The following CEP72 variants were observed in gnomAD, a reference collection of about 807,000 sequenced individuals.
CEP72 encodes centrosomal protein of 72 kDa.
In CEP72, 78 loss-of-function variants were observed where a neutral mutation model predicts 65.7. The observed-to-expected ratio is 1.19, with a 90% CI of 0.99 to 1.43. The LOEUF is 1.43. Among genes scored for constraint, CEP72 ranks in the 40% most tolerant of loss-of-function variants. CEP72 has a pLI of 0.00. For missense variants in CEP72, 914 were observed against 832.9 expected (o/e 1.10, Z -1.20); for synonymous variants, 358 against 351.7 (o/e 1.02, Z -0.20).
rs1709548 is a variant in CEP72 at position 645,184 on chromosome 5, A to G, written c.1666+759A>G. ...CGTTTCAGGGCGTGTGGGTCTCACGATGTCTGTCCCAACCAGCGGTGGCCT... is the reference window on the plus strand; with the variant it reads ...CGTTTCAGGGCGTGTGGGTCTCACGGTGTCTGTCCCAACCAGCGGTGGCCT... On this transcript the variant is annotated intron_variant, in intron 10 of 11. Coordinates refer to ENST00000264935, the MANE Select transcript of CEP72 (RefSeq NM_018140.4). This position sits in a 1 kb window ranked among gnomAD's most constrained non-coding sequence, Gnocchi z 4.0. 0.39 allele frequency among the ~76,000 whole-genome samples: 58,906 copies of G among 151,668 alleles called. 11,590 individuals carry two copies. Among genetic ancestry groups the G allele is most frequent in the East Asian group, 0.45 (2,303 of 5,124 alleles).
chr5:642,401 G>C (rs1466360156), intron 9 of CEP72: 1 of 985,386 alleles, frequency 1.0e-6, no homozygotes, highest in Admixed American at 6.1e-5. Flanking sequence ...CCGTCTGGAA[G>C]CCTTTATACT....
downstream of CEP72, among the ~76,000 whole-genome samples, chr5:653,824 A>G (rs994576378): frequency 6.6e-6 from 1 of 152,216 alleles, no homozygotes; most frequent in Non-Finnish European, 1.5e-5. Context: ...ACAAAACTAG[A>G]TTTTTAGTTT....
chr5:621,840 C>G (rs907551875), intron 3 of CEP72, among the ~76,000 whole-genome samples: 2 of 152,236 alleles, frequency 1.3e-5, no homozygotes, highest in Admixed American at 6.5e-5. Context: ...GTGGCGTGAT[C>G]TTAGCTCACT....
downstream of CEP72, chr5:661,371 CCT>C (rs1392630141): frequency 6.6e-6 from 1 of 152,106 alleles, no homozygotes; most frequent in Middle Eastern, 3.4e-3. Context: ...AGAACCTGTC[CCT>C]GTGTCCTCGT....
rs572183688 is a variant in CEP72 at position 612,613 on chromosome 5, AC to A, written c.82+176del. Reference sequence around the variant, plus strand: ...GCGCGCGTGTCCAGGTGAGCGACCCACCCCCCGTGCCCAGGTGCGGCCCCTG... The same window carrying A: ...GCGCGCGTGTCCAGGTGAGCGACCCACCCCCGTGCCCAGGTGCGGCCCCTG... On this transcript the variant is annotated intron_variant, in intron 1 of 11. Transcript: ENST00000264935. 7.5e-4 allele frequency: 739 copies of A among 985,072 alleles called. 5 individuals are homozygous for A. The African/African-American group carries it at 0.011, about 15-fold the overall frequency. The allele number at this position is 985,072 out of a possible 1,614,324, so 61.0% of individuals were successfully genotyped here. A position where few individuals can be genotyped will look rare whatever the true frequency, so the allele number is the denominator to read the frequency against.
intron 1 of CEP72, 34 bp downstream of exon 1, chr5:612,477 A>AGGGGGGG: frequency 1.2e-6 from 1 of 806,040 alleles, no homozygotes; most frequent in Admixed American, 4.2e-5. Context: ...TGCAAGCGTG[A>AGGGGGGG]GGTGGCGGGG....
At chr5:628,816 TTGC>T (rs1736986413) in intron 4 of CEP72, among the ~76,000 whole-genome samples, 6 of 135,960 alleles carry the variant, frequency 4.4e-5, no homozygotes, top group African/African-American at 1.4e-4. Flanking sequence ...AGAACTCAGG[TTGC>T]CGTCCCCAGG....
At chr5:619,660 C>T (rs751886577) in intron 2 of CEP72, among the ~76,000 whole-genome samples, 9 of 152,218 alleles carry the variant, frequency 5.9e-5, no homozygotes, top group Non-Finnish European at 1.0e-4. Context: ...AAGTCAGATG[C>T]GGACCTAGCC....
chr5:669,838 G>C (rs1237531904), downstream of CEP72, among the ~76,000 whole-genome samples: 1 of 152,080 alleles, frequency 6.6e-6, no homozygotes, highest in Non-Finnish European at 1.5e-5. Context: ...GGAGTTCTAG[G>C]ACAGCGGTGC....
At chr5:656,455 G>A (rs1041344864), downstream of CEP72, among the ~76,000 whole-genome samples, 2 of 152,146 alleles carry the variant, frequency 1.3e-5, no homozygotes, top group Admixed American at 6.5e-5. Flanking sequence ...CTCCTTCAGC[G>A]GGTGTTCATA....
chr5:612,791 C>T (rs1047077393), intron 1 of CEP72, among the ~76,000 whole-genome samples: 3 of 152,250 alleles, frequency 2.0e-5, no homozygotes, highest in African/African-American at 4.8e-5. Context: ...CCTGGTTCTC[C>T]TGGGCCCACT....
At chr5:665,156 C>T (rs1402602243) in intron 2 of CEP72, 1 of 1,613,490 alleles carries the variant, frequency 6.2e-7, no homozygotes, top group East Asian at 2.2e-5. Context: ...TGTAGCCGGA[C>T]ACATAGCCTG....
rs1736529924 is a variant in CEP72 at position 623,432 on chromosome 5, G to A, written c.404-1039G>A. On this transcript the variant is annotated intron_variant, in intron 3 of 11. Transcript: ENST00000264935. The surrounding 1 kb of genome is among the most constrained non-coding windows in gnomAD (Gnocchi z 5.3). ...ATAGCAAGGGCCTGCGTGTGGGATG[G>A]AGGCGGCGTCTGGAGAGACCTTGCC... Among the ~76,000 whole-genome samples, 1 of 152,264 alleles carries A rather than the reference G, an allele frequency of 6.6e-6. No individual in the cohort carries two copies.
At chr5:642,459 T>G (rs764540555) in intron 9 of CEP72, 3 of 985,498 alleles carry the variant, frequency 3.0e-6, no homozygotes, top group Non-Finnish European at 3.6e-6. Flanking sequence ...GCGCCGTCAC[T>G]GATGATGTCT....
downstream of CEP72, among the ~76,000 whole-genome samples, chr5:667,870 CG>C (rs1561081547): frequency 3.3e-4 from 23 of 68,716 alleles, no homozygotes; most frequent in Non-Finnish European, 4.4e-4. Flanking sequence ...AGGGAAGTAC[CG>C]ACAAGCACAC....
chr5:633,259 G>T lies in CEP72; in HGVS notation c.513-510G>T, dbSNP rs866580918. The stretch of plus-strand genomic sequence containing the variant: ...GGATTTGACCCAGTCCTGGTGGGGT[G>T]CTGTCCAGTTCCGGGATTTAGACCA... On this transcript the variant is annotated intron_variant, in intron 4 of 11. Transcript: ENST00000264935. Among the ~76,000 whole-genome samples the T allele has an allele frequency of 1.6e-3, 118 of 74,958 alleles. 1 individual carries two copies. Among genetic ancestry groups the T allele is most frequent in the African/African-American group, 7.1e-3 (88 of 12,338 alleles). 49.2% of individuals were successfully genotyped at this position (74,958 alleles called of 152,430 possible).
chr5:632,081 T>C (rs1737229445), intron 4 of CEP72, among the ~76,000 whole-genome samples: 1 of 53,778 alleles, frequency 1.9e-5, no homozygotes, highest in African/African-American at 9.0e-5. Context: ...GGCCCAGTCC[T>C]GGTGGGGTTC....
intron 11 of CEP72, 104 bp downstream of exon 11, chr5:648,020 T>A (rs1738538441): frequency 1.5e-6 from 1 of 671,182 alleles, no homozygotes; most frequent in Non-Finnish European, 2.6e-6. Flanking sequence ...GAGGAGCAGC[T>A]CCTCATGAGT....
chr5:673,551 C>G, the CEP72 span, among the ~76,000 whole-genome samples: 1 of 152,188 alleles, frequency 6.6e-6, no homozygotes, highest in Non-Finnish European at 1.5e-5. Context: ...GACAATCTCC[C>G]ACACGGCGCC....
Sources: gnomAD v4.1 joint callset for allele counts (sites outside exome capture counted in the v4.1 genomes callset) on GRCh38, gnomAD v4.1.1 for gene constraint, Gnocchi (gnomAD v3.1) non-coding constraint, MANE v1.5 for transcripts, NCBI Gene and HGNC (gene_info 2026-07-23, HGNC 2026-07-21) for gene names.